L3MBTL4: variants seen among roughly 807,000 people sequenced by gnomAD.
L3MBTL4 encodes the protein L3MBTL histone methyl-lysine binding protein 4, also known as lethal(3)malignant brain tumor-like protein 4.
L3MBTL4 carries 70 observed loss-of-function variants against 84.5 expected under a neutral mutation model. The ratio of observed to expected loss-of-function variants is 0.83; its 90% CI spans 0.68 to 1.01. The LOEUF is 1.01. Ranked by LOEUF, L3MBTL4 falls within the 50% of genes least tolerant of loss-of-function variation. The pLI is 0.00. For synonymous variants in L3MBTL4, 274 were observed against 259.8 expected (o/e 1.05, Z -0.52); for missense variants, 715 against 754.8 (o/e 0.95, Z 0.62).
At chr18:6,391,284 T>C (rs2055039694) in intron 1 of L3MBTL4, among the ~76,000 whole-genome samples, 1 of 152,060 alleles carries the variant, frequency 6.6e-6, no homozygotes, top group Non-Finnish European at 1.5e-5. Flanking sequence ...AAATCCAGCA[T>C]CCTTTATGAT....
intron 13 of L3MBTL4, among the ~76,000 whole-genome samples, chr18:6,153,786 C>T (rs183893165): frequency 1.3e-5 from 2 of 152,210 alleles, no homozygotes; most frequent in East Asian, 1.9e-4. Context: ...TTTCACTGTG[C>T]TTTCACTGTT....
intron 14 of L3MBTL4, among the ~76,000 whole-genome samples, chr18:6,116,067 G>C (rs1290213267): frequency 6.6e-6 from 1 of 152,178 alleles, no homozygotes; most frequent in African/African-American, 2.4e-5. Context: ...AACAAGAGAA[G>C]GCAAGATCAT....
chr18:6,243,508 T>C (rs965681587), intron 6 of L3MBTL4, 79 bp from the exon 7 acceptor site: 7 of 1,286,420 alleles, frequency 5.4e-6, no homozygotes, highest in Admixed American at 2.3e-5. Context: ...AATATTCATA[T>C]ATTTTGTCAG....
At chr18:6,326,940 A>G (rs2051753505) in intron 1 of L3MBTL4, among the ~76,000 whole-genome samples, 1 of 152,256 alleles carries the variant, frequency 6.6e-6, no homozygotes, top group Non-Finnish European at 1.5e-5. Context: ...AACTACATAC[A>G]TGATCTTTCA....
chr18:6,214,766 G>A (rs1301831900), intron 11 of L3MBTL4, among the ~76,000 whole-genome samples: 1 of 152,108 alleles, frequency 6.6e-6, no homozygotes, highest in Non-Finnish European at 1.5e-5. Context: ...TATTGTACAC[G>A]CCTAAGGTAC....
chr18:6,092,144 T>C (rs1210875971), intron 15 of L3MBTL4, among the ~76,000 whole-genome samples: 1 of 152,132 alleles, frequency 6.6e-6, no homozygotes, highest in Non-Finnish European at 1.5e-5. Context: ...GATCATGCAA[T>C]AGAGAGAAGC....
chr18:6,326,028 T>A (rs765257058), intron 1 of L3MBTL4, among the ~76,000 whole-genome samples: 1 of 152,146 alleles, frequency 6.6e-6, no homozygotes, highest in South Asian at 2.1e-4. Context: ...ATAGGGTGCA[T>A]GCACTGCTCC....
chr18:6,073,807 A>T (rs2057768765), intron 16 of L3MBTL4, among the ~76,000 whole-genome samples: 1 of 152,194 alleles, frequency 6.6e-6, no homozygotes, highest in Admixed American at 6.5e-5. Flanking sequence ...ATATTTAATT[A>T]GTATGCTGTG....
In L3MBTL4 at chr18:6,224,069, T is replaced by G. The variant is rs1221902966; in HGVS notation, c.785-8234A>C. Among the ~76,000 whole-genome samples the G allele has an allele frequency of 8.5e-5, 13 of 152,148 alleles. No individual in the cohort carries two copies. The East Asian group carries it at 2.5e-3, about 29-fold the overall frequency. ...CAAGGGGCACTAAGTGAGAAAACTCTGCAATTATAAAATAGTACGAATATA... is the reference window on the plus strand; with the variant it reads ...CAAGGGGCACTAAGTGAGAAAACTCGGCAATTATAAAATAGTACGAATATA... On this transcript the variant is annotated intron_variant, in intron 10 of 18. Transcript: ENST00000317931.
At position 6,411,266 on chromosome 18, in the gene L3MBTL4, A is replaced by AT. The variant is rs201362050; in HGVS notation, c.-91+3534dup. On this transcript the variant is annotated intron_variant, in intron 1 of 18. Transcript: ENST00000317931. Reference sequence around the variant, plus strand: ...TGTTATTCACTGTAGTAAATAGTGCATTTTTTTATGGACCTAAGTAGTTTT... The same window carrying AT: ...TGTTATTCACTGTAGTAAATAGTGCATTTTTTTTATGGACCTAAGTAGTTTT... Among the ~76,000 whole-genome samples, 18 of 100,052 alleles carry AT rather than the reference A, an allele frequency of 1.8e-4. No homozygotes were observed. In the South Asian group the frequency reaches 5.6e-3, roughly 31 times the overall value. The allele number at this position is 100,052 out of a possible 152,430, so 65.6% of individuals were successfully genotyped here.
intron 16 of L3MBTL4, among the ~76,000 whole-genome samples, chr18:6,004,821 ACAGTGGTTAC>A (rs1443621822): frequency 6.6e-6 from 1 of 152,082 alleles, no homozygotes; most frequent in Non-Finnish European, 1.5e-5. Flanking sequence ...AGAGAGTAGA[ACAGTGGTTAC>A]CAGGGCCTGC....
At chr18:6,383,698 T>C (rs972014932) in intron 1 of L3MBTL4, among the ~76,000 whole-genome samples, 15 of 152,166 alleles carry the variant, frequency 9.9e-5, no homozygotes, top group Admixed American at 2.0e-4. Flanking sequence ...AATGCAGAAA[T>C]CACCCAACCT....
intron 4 of L3MBTL4, among the ~76,000 whole-genome samples, chr18:6,266,462 T>C (rs2048637451): frequency 6.6e-6 from 1 of 152,186 alleles, no homozygotes; most frequent in African/African-American, 2.4e-5. Flanking sequence ...CAGAAGAAGA[T>C]GCAGATGGTA....
chr18:6,330,865 A>G (rs894937479), intron 1 of L3MBTL4, among the ~76,000 whole-genome samples: 2 of 152,238 alleles, frequency 1.3e-5, no homozygotes, highest in African/African-American at 4.8e-5. Flanking sequence ...TGCAGTTACT[A>G]AACATTAAAA....
chr18:6,099,374 T>A (rs2058737220), intron 14 of L3MBTL4, among the ~76,000 whole-genome samples: 1 of 151,596 alleles, frequency 6.6e-6, no homozygotes. Context: ...ATAGTACTTT[T>A]CATCTGACTG....
At chr18:6,042,427 C>T (rs1160414619) in intron 16 of L3MBTL4, among the ~76,000 whole-genome samples, 1 of 151,902 alleles carries the variant, frequency 6.6e-6, no homozygotes, top group Non-Finnish European at 1.5e-5. Flanking sequence ...CAGTCCTCAC[C>T]CTCTCTCCCC....
intron 5 of L3MBTL4, among the ~76,000 whole-genome samples, chr18:6,247,501 T>TG (rs1236661398): frequency 7.4e-6 from 1 of 134,352 alleles, no homozygotes; most frequent in East Asian, 2.1e-4. Context: ...TTTTTTTAGA[T>TG]GGAGTCTCGC....
intron 16 of L3MBTL4, among the ~76,000 whole-genome samples, chr18:6,019,646 G>C (rs963497208): frequency 3.3e-5 from 5 of 152,188 alleles, no homozygotes; most frequent in African/African-American, 1.2e-4. Flanking sequence ...GTTTTGTAAA[G>C]TGAGGTATTA....
chr18:6,266,329 A>G (rs952928648), intron 4 of L3MBTL4, among the ~76,000 whole-genome samples: 1 of 152,220 alleles, frequency 6.6e-6, no homozygotes, highest in Non-Finnish European at 1.5e-5. Context: ...ATTTAACACA[A>G]TCTATATTTT....
Sources: gnomAD v4.1 joint callset for allele counts (sites outside exome capture counted in the v4.1 genomes callset) on GRCh38, gnomAD v4.1.1 for gene constraint, MANE v1.5 for transcripts, NCBI Gene and HGNC (gene_info 2026-07-23, HGNC 2026-07-21) for gene names.